The following KLHDC2 variants were observed in gnomAD, a reference collection of about 807,000 sequenced individuals.
KLHDC2 encodes the protein kelch domain containing 2.
Under a neutral mutation model 62.3 loss-of-function variants are expected in KLHDC2, and 38 were observed. That is an observed-to-expected ratio of 0.61 (90% CI 0.47 to 0.80). The LOEUF (loss-of-function observed/expected upper bound fraction) is 0.80, where lower values mean the gene tolerates loss of function less well. Among genes scored for constraint, KLHDC2 ranks in the 30% least tolerant of loss-of-function variants. The pLI is 0.00. For missense variants in KLHDC2, 430 were observed against 495.3 expected, an observed-to-expected ratio of 0.87 and a Z score of 1.25; for synonymous variants, 159 against 161.0, an observed-to-expected ratio of 0.99 and a Z score of 0.09.
chr14:49,776,789 C>T (rs57946317), intron 3 of KLHDC2, among the ~76,000 whole-genome samples: 24,441 of 151,670 alleles, frequency 0.16, 2,280 homozygotes, highest in Non-Finnish European at 0.21. Flanking sequence ...CATGTTGGTG[C>T]GTGCCTGTAA....
At chr14:49,775,779 A>T (rs1418123592) in intron 3 of KLHDC2, among the ~76,000 whole-genome samples, 1 of 152,006 alleles carries the variant, frequency 6.6e-6, no homozygotes, top group Non-Finnish European at 1.5e-5. Context: ...GGCATGCATC[A>T]CTACGCCCAG....
At chr14:49,773,258 C>T (rs1382431105) in intron 2 of KLHDC2, among the ~76,000 whole-genome samples, 2 of 150,640 alleles carry the variant, frequency 1.3e-5, no homozygotes, top group Non-Finnish European at 1.5e-5. Flanking sequence ...CTAAAAAATA[C>T]AAAAAATTAG....
In KLHDC2 at chr14:49,784,097, A is replaced by C. The variant is rs1324068571; in HGVS notation, c.*1144A>C. The C allele has an allele frequency of 6.6e-6, 1 of 151,392 alleles. No individual in the cohort carries two copies. Among genetic ancestry groups the C allele is most frequent in the Non-Finnish European group, 1.5e-5 (1 of 67,966 alleles). The allele number at this position is 151,392 out of a possible 1,614,324, so 9.4% of individuals were successfully genotyped here. ...CTCCCAAATTTCAAGAAAATGTAGA[A>C]TAACTACAGATGTATATAATTAGCA... On this transcript the variant is annotated 3_prime_UTR_variant, in exon 13 of 13. Transcript: ENST00000298307.
At chr14:49,777,692 C>G in intron 3 of KLHDC2, 147 bp from the exon 4 acceptor site, 1 of 523,036 alleles carries the variant, frequency 1.9e-6, no homozygotes, top group Non-Finnish European at 3.4e-6. Context: ...CATCTGGACT[C>G]TGAGCAGTCT....
In KLHDC2 at chr14:49,773,143, G is replaced by A. The variant is rs187203344; in HGVS notation, c.234-1418G>A. Among the ~76,000 whole-genome samples the A allele has an allele frequency of 5.4e-3, 821 of 152,180 alleles. 3 individuals carry two copies. The highest frequency in any genetic ancestry group is 0.012 in the South Asian group (59 of 4,826). ...GATAATTTTTAAGGGGCCGGGCACG[G>A]TGGCTCACACCTGTAATCCCAGCAC... is the stretch of plus-strand genomic sequence containing the variant. On this transcript the variant is annotated intron_variant, in intron 2 of 12. Transcript: ENST00000298307.
At chr14:49,776,320 G>C (rs1178865369) in intron 3 of KLHDC2, among the ~76,000 whole-genome samples, 2 of 152,190 alleles carry the variant, frequency 1.3e-5, no homozygotes, top group Non-Finnish European at 2.9e-5. Context: ...GTAGTAGTTT[G>C]TCGAGTGGCT....
At chr14:49,770,864 CCT>C (rs772028058) in intron 1 of KLHDC2, among the ~76,000 whole-genome samples, 6 of 152,174 alleles carry the variant, frequency 3.9e-5, no homozygotes, top group East Asian at 1.9e-4. Flanking sequence ...GCAGTTCTGC[CCT>C]CTCTATTGCT....
rs917056688 is a variant in KLHDC2 at position 49,785,658 on chromosome 14, C to T, written c.*2705C>T. On this transcript the variant is annotated 3_prime_UTR_variant, in exon 13 of 13. Coordinates refer to ENST00000298307, the MANE Select transcript of KLHDC2 (RefSeq NM_014315.3). ...GGACTCTGGAAGGCTCAGGCTGAGGCGGGTGGATCGCTTGAGCCCAGGAGT... is the reference window on the plus strand; with the variant it reads ...GGACTCTGGAAGGCTCAGGCTGAGGTGGGTGGATCGCTTGAGCCCAGGAGT... 21 of 229,272 alleles carry T rather than the reference C, an allele frequency of 9.2e-5. No individual in the cohort carries two copies. Among genetic ancestry groups the T allele is most frequent in the African/African-American group, 4.6e-4 (20 of 43,646 alleles). The allele number at this position is 229,272 out of a possible 1,614,324, so 14.2% of individuals were successfully genotyped here.
At chr14:49,775,987 ACTATGTTC>A (rs1179905512) in intron 3 of KLHDC2, among the ~76,000 whole-genome samples, 1 of 152,100 alleles carries the variant, frequency 6.6e-6, no homozygotes, top group Non-Finnish European at 1.5e-5. Flanking sequence ...ATGGTTTCAA[ACTATGTTC>A]CTAGAAACTT....
chr14:49,784,806 G>T lies in KLHDC2; in HGVS notation c.*1853G>T. ...AACGAAAAACATTTCCAAACTTTTA[G>T]CTGAGATGGTTTTACTGCTTCTAAT... On this transcript the variant is annotated 3_prime_UTR_variant, in exon 13 of 13. Coordinates refer to ENST00000298307, the MANE Select transcript of KLHDC2 (RefSeq NM_014315.3). The T allele has an allele frequency of 7.1e-7, 1 of 1,412,468 alleles. No homozygotes were observed. Among genetic ancestry groups the T allele is most frequent in the Non-Finnish European group, 9.9e-7 (1 of 1,008,510 alleles). The allele number at this position is 1,412,468 out of a possible 1,614,324, so 87.5% of individuals were successfully genotyped here. A position where few individuals can be genotyped will look rare whatever the true frequency, so the allele number is the denominator to read the frequency against.
chr14:49,781,613 C>T (rs1221009064), intron 10 of KLHDC2, among the ~76,000 whole-genome samples: 3 of 151,628 alleles, frequency 2.0e-5, no homozygotes, highest in Non-Finnish European at 4.4e-5. Context: ...CCTGTAGTCC[C>T]AGCTATTCAG....
Position 49,785,875 on chromosome 14 carries a change from C to CA in KLHDC2, c.*2923dup, listed in dbSNP as rs1329141331. The CA allele has an allele frequency of 3.7e-5, 4 of 109,494 alleles. No homozygotes were observed. The highest frequency in any genetic ancestry group is 1.5e-4 in the African/African-American group (4 of 27,042). The allele number at this position is 109,494 out of a possible 1,614,324, so 6.8% of individuals were successfully genotyped here. A position where few individuals can be genotyped will look rare whatever the true frequency, so the allele number is the denominator to read the frequency against. On this transcript the variant is annotated 3_prime_UTR_variant, in exon 13 of 13. Coordinates refer to ENST00000298307, the MANE Select transcript of KLHDC2 (RefSeq NM_014315.3). The stretch of plus-strand genomic sequence containing the variant: ...CACTGGGTGACACCAGCCTGGGTGA[C>CA]AGAGACCCTGTCTCAAAAAAAAAAA...
At position 49,784,400 on chromosome 14, in the gene KLHDC2, G is replaced by A; in HGVS notation, c.*1447G>A. The A allele has an allele frequency of 2.4e-6, 1 of 409,212 alleles. No individual in the cohort carries two copies. The highest frequency in any genetic ancestry group is 4.0e-5 in the East Asian group (1 of 25,082). The allele number at this position is 409,212 out of a possible 1,614,324, so 25.3% of individuals were successfully genotyped here. On this transcript the variant is annotated 3_prime_UTR_variant, in exon 13 of 13. Transcript: ENST00000298307. ...AAGAAAATGTAGAATAACTACAGAT[G>A]TATATTAATTAGCATTTAACTGTCC...
Position 49,784,898 on chromosome 14 carries a change from C to T in KLHDC2, c.*1945C>T, listed in dbSNP as rs541068349. 1.1e-5 allele frequency: 17 copies of T among 1,585,364 alleles called. No homozygotes were observed. The South Asian group carries it at 1.9e-4, about 18-fold the overall frequency. ...TTTTAAATTGTACTGTCAGTCTCCA[C>T]ATTCCTTTTCTGAAGGAGAACTTTA... On this transcript the variant is annotated 3_prime_UTR_variant, in exon 13 of 13. Transcript: ENST00000298307.
chr14:49,778,265 T>C lies in KLHDC2; in HGVS notation c.549+6T>C, dbSNP rs371434626. Reference sequence around the variant, plus strand: ...TCGATGAAACATCTTTTTGGGTAAGTGAAGTTTCATATTTGCATATGGCCT... The same window carrying C: ...TCGATGAAACATCTTTTTGGGTAAGCGAAGTTTCATATTTGCATATGGCCT... On this transcript the variant is annotated splice_donor_region_variant and intron_variant, in intron 5 of 12. Transcript: ENST00000298307. The C allele has an allele frequency of 8.9e-6, 14 of 1,576,384 alleles. No individual in the cohort carries two copies. The African/African-American group carries it at 1.8e-4, about 20-fold the overall frequency.
At position 49,780,228 on chromosome 14, in the gene KLHDC2, A is replaced by G. The variant is rs1047298677; in HGVS notation, c.789A>G (p.Ile263Met). The G allele has an allele frequency of 6.2e-6, 10 of 1,608,840 alleles. No homozygotes were observed. Among genetic ancestry groups the G allele is most frequent in the African/African-American group, 1.3e-5 (1 of 74,820 alleles). The change falls in exon 9 of 13, where the codon ATA becomes ATG. Residue 263 changes from isoleucine to methionine, a missense_variant. Physicochemically the swap from Ile to Met is conservative, Grantham distance 10. Transcript: ENST00000298307. Reference protein sequence around the residue: ...WEWNELIPQGICPVGRSWHSL... With the variant: ...WEWNELIPQGMCPVGRSWHSL... ...TTATTTTCAGAATTCCACAAGGCAT[A>G]TGCCCAGTTGGTCGATCTTGGCACT...
chr14:49,776,489 T>G (rs1889775507), intron 3 of KLHDC2, among the ~76,000 whole-genome samples: 1 of 152,236 alleles, frequency 6.6e-6, no homozygotes, highest in East Asian at 1.9e-4. Context: ...TTAATCTCTT[T>G]AATCTTAAAG....
intron 2 of KLHDC2, among the ~76,000 whole-genome samples, chr14:49,773,401 C>CAT (rs1451386603): frequency 4.5e-4 from 42 of 93,972 alleles, no homozygotes; most frequent in Non-Finnish European, 5.9e-5. Context: ...GCGAAAGAGT[C>CAT]AGACTCCATC....
chr14:49,774,537 T>A (rs755825129), intron 2 of KLHDC2, 24 bp from the exon 3 acceptor site: 1 of 1,399,998 alleles, frequency 7.1e-7, no homozygotes, highest in African/African-American at 1.4e-5. Context: ...TTAACTTACA[T>A]ACATTTAATT....
Sources: gnomAD v4.1 joint callset for allele counts (sites outside exome capture counted in the v4.1 genomes callset) on GRCh38, gnomAD v4.1.1 for gene constraint, MANE v1.5 for transcripts, NCBI Gene and HGNC (gene_info 2026-07-23, HGNC 2026-07-21) for gene names.